Variants in COL12A1 observed in about 807,000 individuals in gnomAD.
COL12A1 encodes the protein collagen alpha-1(XII) chain.
Under a neutral mutation model 349.7 loss-of-function variants are expected in COL12A1, and 114 were observed. The observed-to-expected ratio is 0.33, with a 90% CI of 0.28 to 0.38. The LOEUF (loss-of-function observed/expected upper bound fraction) is 0.38. COL12A1 is among the 10% of genes least tolerant of loss of function. The pLI, the probability that COL12A1 is intolerant of heterozygous loss-of-function variation, is 1.00. For synonymous variants in COL12A1, 1,369 were observed against 1,329.0 expected, an observed-to-expected ratio of 1.03 and a Z score of -0.66; for missense variants, 3,284 against 3,756.9, an observed-to-expected ratio of 0.87 and a Z score of 3.29.
In COL12A1 at chr6:75,152,158, G is replaced by A. The variant is rs1767525873; in HGVS notation, c.3808C>T (p.Pro1270Ser). 3 of 1,613,830 alleles carry A rather than the reference G, an allele frequency of 1.9e-6. No individual in the cohort carries two copies. The highest frequency in any genetic ancestry group is 2.5e-6 in the Non-Finnish European group (3 of 1,179,820). ...KSLLQAVANL[P>S]YKGGNTLTGM... ...GTGAGAGTATTGCCTCCTTTGTACG[G>A]CAAGTTTGCCACAGCTTGCAACAAG... The change falls in exon 19 of 66, where the codon CCG (proline) becomes TCG (serine). Residue 1270 changes from proline (P) to serine (S), a missense_variant. Coordinates refer to ENST00000322507, the MANE Select transcript of COL12A1 (RefSeq NM_004370.6).
intron 37 of COL12A1, 111 bp from the exon 38 acceptor site, chr6:75,128,536 T>C: frequency 3.4e-6 from 3 of 873,984 alleles, no homozygotes; most frequent in Non-Finnish European, 4.7e-6. Flanking sequence ...TTTTTCACAT[T>C]TTATTTTTGT....
intron 13 of COL12A1, among the ~76,000 whole-genome samples, chr6:75,170,306 C>T (rs1157321753): frequency 3.9e-5 from 6 of 152,164 alleles, no homozygotes; most frequent in Non-Finnish European, 5.9e-5. Flanking sequence ...GAAAATGTAA[C>T]GTAAACTCTC....
chr6:75,183,822 T>C (rs758417682), intron 9 of COL12A1, 32 bp downstream of exon 9: 1 of 1,606,754 alleles, frequency 6.2e-7, no homozygotes, highest in African/African-American at 1.3e-5. Context: ...TCTTCACATA[T>C]TCCAAATACA....
At chr6:75,145,997 T>C in intron 24 of COL12A1, 105 bp downstream of exon 24, 1 of 1,237,594 alleles carries the variant, frequency 8.1e-7, no homozygotes, top group Middle Eastern at 2.5e-4. Flanking sequence ...TTCCATTTTG[T>C]ACGTAAAGTT....
chr6:75,131,388 T>G (rs1274374842), intron 35 of COL12A1, among the ~76,000 whole-genome samples: 2 of 152,252 alleles, frequency 1.3e-5, no homozygotes, highest in African/African-American at 4.8e-5. Context: ...GTTGTCTTAA[T>G]ATGTCCTACC....
Position 75,090,934 on chromosome 6 carries a change from G to A in COL12A1, c.8752+389C>T, listed in dbSNP as rs57517021. Among the ~76,000 whole-genome samples, 635 of 152,212 alleles carry A rather than the reference G, an allele frequency of 4.2e-3. 5 individuals are homozygous for A. Among genetic ancestry groups the A allele is most frequent in the African/African-American group, 0.015 (605 of 41,532 alleles). On this transcript the variant is annotated intron_variant, in intron 62 of 65. Coordinates refer to ENST00000322507, the MANE Select transcript of COL12A1 (RefSeq NM_004370.6). This position sits in a 1 kb window ranked among gnomAD's most constrained non-coding sequence, Gnocchi z 4.1. ...GGTACTGAGCTTCATTACTTAACAG[G>A]CCTTATGGAATAAGAAGAGCCTGTG...
rs1200276620 is a variant in COL12A1 at position 75,091,855 on chromosome 6, A to G, written c.8650-330T>C. On this transcript the variant is annotated intron_variant, in intron 60 of 65. Coordinates refer to ENST00000322507, the MANE Select transcript of COL12A1 (RefSeq NM_004370.6). ...TGATACATATGGAACTAAAATACAT[A>G]TGAAGATTGCCCTTGTACCGCCATA... Among the ~76,000 whole-genome samples, 10 of 152,306 alleles carry G rather than the reference A, an allele frequency of 6.6e-5. No individual in the cohort carries two copies. The South Asian group carries it at 1.9e-3, about 28-fold the overall frequency.
chr6:75,152,004 T>C lies in COL12A1; in HGVS notation c.3863A>G (p.Gln1288Arg), dbSNP rs1767517817. ...TGMALNFIRQ[Q>R]NFRTQAGMRP... ...CATGCCAGCTTGGGTCCTGAAGTTC[T>C]GTTGGCGAATGAAATTCAAAGCCAT... is the stretch of plus-strand genomic sequence containing the variant. The change falls in exon 20 of 66, where the codon CAG (glutamine) becomes CGG (arginine). Residue 1288 changes from glutamine (Q) to arginine (R), a missense_variant. Physicochemically the swap from Gln to Arg is conservative, Grantham distance 43. Around this residue, in one of 2 missense-constraint regions of COL12A1, gnomAD observed 2,601 missense variants for 2,824.8 expected, o/e 0.92. Coordinates refer to ENST00000322507, the MANE Select transcript of COL12A1 (RefSeq NM_004370.6). 6.2e-7 allele frequency: 1 copy of C among 1,613,892 alleles called. No homozygotes were observed. The highest frequency in any genetic ancestry group is 8.5e-7 in the Non-Finnish European group (1 of 1,179,822).
In COL12A1 at chr6:75,124,436, T is replaced by C. The variant is rs1403217429; in HGVS notation, c.6608-65A>G. ...GAGGCAAAAAGTGTACTTTTAATCA[T>C]AACACAATTTTCAAACTTTCACTGT... is the stretch of plus-strand genomic sequence containing the variant. On this transcript the variant is annotated intron_variant, in intron 40 of 65. Coordinates refer to ENST00000322507, the MANE Select transcript of COL12A1 (RefSeq NM_004370.6). 7.5e-6 allele frequency: 9 copies of C among 1,204,228 alleles called. No individual in the cohort carries two copies. The African/African-American group carries it at 9.3e-5, about 12-fold the overall frequency. The allele number at this position is 1,204,228 out of a possible 1,614,324, so 74.6% of individuals were successfully genotyped here.
At position 75,113,680 on chromosome 6, in the gene COL12A1, C is replaced by G. The variant is rs755111146; in HGVS notation, c.7762G>C (p.Glu2588Gln). 6 of 1,606,196 alleles carry G rather than the reference C, an allele frequency of 3.7e-6. No homozygotes were observed. The highest frequency in any genetic ancestry group is 1.7e-5 in the Admixed American group (1 of 59,820). The change falls in exon 50 of 66, where the codon GAA (glutamate) becomes CAA (glutamine). Residue 2588 changes from glutamate (E) to glutamine (Q), a missense_variant. Glu to Gln is a conservative substitution (Grantham distance 29, BLOSUM62 2). This residue lies in a region of COL12A1 where 683 missense variants were observed against 932.1 expected (regional missense o/e 0.73). Coordinates refer to ENST00000322507, the MANE Select transcript of COL12A1 (RefSeq NM_004370.6). The stretch of plus-strand genomic sequence containing the variant: ...ATTGCAAAAGGGTCACTGGGAGTTT[C>G]TGGGAGAAGTCTGAATAATAATATA... The part of the protein sequence containing the change: ...TIILLFRLLP[E>Q]TPSDPFAIWQ...
intron 14 of COL12A1, among the ~76,000 whole-genome samples, chr6:75,164,488 G>GT (rs1768181942): frequency 1.3e-5 from 2 of 152,146 alleles, no homozygotes; most frequent in South Asian, 4.1e-4. Flanking sequence ...AAGGATTAAA[G>GT]TTTTCTCCTA....
intron 51 of COL12A1, among the ~76,000 whole-genome samples, chr6:75,112,853 T>C (rs1448608123): frequency 1.3e-5 from 2 of 151,550 alleles, no homozygotes; most frequent in African/African-American, 2.4e-5. Flanking sequence ...AGAAGAAATA[T>C]TATCAATTAA....
intron 60 of COL12A1, among the ~76,000 whole-genome samples, chr6:75,094,841 G>A (rs1767930795): frequency 6.6e-6 from 1 of 152,162 alleles, no homozygotes; most frequent in African/African-American, 2.4e-5. Context: ...TGTTTATACA[G>A]CGCAGAAATA....
At position 75,151,770 on chromosome 6, in the gene COL12A1, T is replaced by G. The variant is rs559124566; in HGVS notation, c.4000+97A>C. 2.7e-4 allele frequency: 337 copies of G among 1,231,688 alleles called. 2 individuals carry two copies. The African/African-American group carries it at 4.4e-3, about 16-fold the overall frequency. The allele number at this position is 1,231,688 out of a possible 1,614,324, so 76.3% of individuals were successfully genotyped here. A position where few individuals can be genotyped will look rare whatever the true frequency, so the allele number is the denominator to read the frequency against. On this transcript the variant is annotated intron_variant, in intron 20 of 65. Transcript: ENST00000322507. ...AAATTATGTGATAGAAAAAAATGGGTATTTTTTTTCATGCTTCAGATAAAA... is the reference window on the plus strand; with the variant it reads ...AAATTATGTGATAGAAAAAAATGGGGATTTTTTTTCATGCTTCAGATAAAA...
Position 75,091,699 on chromosome 6 carries a change from ATCTC to A in COL12A1, c.8650-178_8650-175del, listed in dbSNP as rs572071883. ...CTGCTTTTCTATAAAAAGGAATCTA[ATCTC>A]TCTCTCTCTCTCTCTTTCTCTCTCT... is the stretch of plus-strand genomic sequence containing the variant. On this transcript the variant is annotated intron_variant, in intron 60 of 65. Coordinates refer to ENST00000322507, the MANE Select transcript of COL12A1 (RefSeq NM_004370.6). Among the ~76,000 whole-genome samples, 55 of 149,748 alleles carry A rather than the reference ATCTC, an allele frequency of 3.7e-4. 1 individual carries two copies. The highest frequency in any genetic ancestry group is 2.3e-3 in the South Asian group (11 of 4,710).
At position 75,133,327 on chromosome 6, in the gene COL12A1, A is replaced by G; in HGVS notation, c.5760T>C (p.Gly1920=). 1 of 1,607,398 alleles carries G rather than the reference A, an allele frequency of 6.2e-7. No individual in the cohort carries two copies. Among genetic ancestry groups the G allele is most frequent in the Non-Finnish European group, 8.5e-7 (1 of 1,177,210 alleles). ...TVTVVPVYTE[G]DGGRTSDTGR... ...CAGTATCTGATGTGCGTCCCCCATC[A>G]CCTTCAGTATAAACGGGAACTACAG... The change falls in exon 34 of 66, where the codon GGT becomes GGC. Residue 1920 remains glycine (G), a synonymous_variant. Coordinates refer to ENST00000322507, the MANE Select transcript of COL12A1 (RefSeq NM_004370.6).
chr6:75,185,749 G>T (rs116243945), intron 8 of COL12A1, among the ~76,000 whole-genome samples: 1,980 of 152,262 alleles, frequency 0.013, 40 homozygotes, highest in African/African-American at 0.046. Context: ...AAACAGCATA[G>T]TACTGGTACA....
intron 8 of COL12A1, 77 bp downstream of exon 8, chr6:75,188,285 T>G: frequency 7.1e-7 from 1 of 1,408,266 alleles, no homozygotes; most frequent in Non-Finnish European, 9.6e-7. Context: ...AATAAATATG[T>G]CTACTTCTAA....
rs944894168 is a variant in COL12A1, at chr6:75,162,891, G to C, written c.2983+2616C>G. On this transcript the variant is annotated intron_variant, in intron 14 of 65. Coordinates refer to ENST00000322507, the MANE Select transcript of COL12A1 (RefSeq NM_004370.6). Reference sequence around the variant, plus strand: ...CTTCTCAAAAGAAGACATTTATGCAGCCAACAGACATATGAAAAAAAGATC... The same window carrying C: ...CTTCTCAAAAGAAGACATTTATGCACCCAACAGACATATGAAAAAAAGATC... Among the ~76,000 whole-genome samples the C allele has an allele frequency of 2.0e-5, 3 of 152,152 alleles. No individual in the cohort carries two copies. In the South Asian group the frequency reaches 6.2e-4, roughly 31 times the overall value.
Sources: allele counts gnomAD v4.1 joint callset (sites outside exome capture counted in the v4.1 genomes callset), GRCh38; gene constraint gnomAD v4.1.1; regional missense constraint gnomAD v4.1.1; non-coding constraint Gnocchi (gnomAD v3.1); transcripts MANE v1.5; gene names NCBI Gene and HGNC (gene_info 2026-07-23, HGNC 2026-07-21).